Variants in CHD2 observed in about 807,000 individuals in gnomAD.
The protein encoded by CHD2 is ATP-dependent chromatin remodeler CHD2.
Under a neutral mutation model 243.9 loss-of-function variants are expected in CHD2, and 28 were observed. That is an observed-to-expected ratio of 0.11 (90% CI 0.09 to 0.16). The LOEUF (loss-of-function observed/expected upper bound fraction) is 0.16, where lower values mean the gene tolerates loss of function less well. Among genes scored for constraint, CHD2 ranks in the 10% least tolerant of loss-of-function variants. CHD2 has a pLI of 1.00. For synonymous variants in CHD2, 775 were observed against 779.0 expected (o/e 0.99, Z 0.09); for missense variants, 1,386 against 2,209.8 (o/e 0.63, Z 7.47).
chr15:92,912,127 T>C (rs2052747568), intron 2 of CHD2, among the ~76,000 whole-genome samples: 1 of 152,200 alleles, frequency 6.6e-6, no homozygotes, highest in Admixed American at 6.5e-5. Flanking sequence ...TTTTGAAGAT[T>C]TGTGCTTTGC....
intron 5 of CHD2, among the ~76,000 whole-genome samples, chr15:92,929,661 AT>A (rs896030305): frequency 6.6e-6 from 1 of 151,844 alleles, no homozygotes; most frequent in Non-Finnish European, 1.5e-5. Context: ...AAATTATTTG[AT>A]TTTTTTTGAG....
intron 20 of CHD2, among the ~76,000 whole-genome samples, chr15:92,977,796 A>G (rs962141476): frequency 6.6e-6 from 1 of 152,230 alleles, no homozygotes. Flanking sequence ...TAACAAACAT[A>G]AATATTTATA....
intron 13 of CHD2, among the ~76,000 whole-genome samples, chr15:92,951,533 A>G (rs2053554457): frequency 6.6e-6 from 1 of 152,198 alleles, no homozygotes; most frequent in Non-Finnish European, 1.5e-5. Context: ...AGCACCTGTT[A>G]AGCCCTGGTC....
intron 2 of CHD2, among the ~76,000 whole-genome samples, chr15:92,903,434 A>G (rs2052558662): frequency 6.6e-6 from 1 of 152,228 alleles, no homozygotes; most frequent in Admixed American, 6.5e-5. Context: ...AATGAGTGCA[A>G]GTTTAGGTAA....
intron 2 of CHD2, among the ~76,000 whole-genome samples, chr15:92,914,756 G>A (rs1287914142): frequency 1.3e-5 from 2 of 152,038 alleles, no homozygotes; most frequent in East Asian, 3.8e-4. Context: ...AGATCTAATT[G>A]GATTTTATTA....
chr15:92,952,975 C>T (rs2053573683), intron 13 of CHD2, among the ~76,000 whole-genome samples: 1 of 152,226 alleles, frequency 6.6e-6, no homozygotes, highest in African/African-American at 2.4e-5. Flanking sequence ...CAGGATTCAC[C>T]AGCGGTGCTG....
Position 93,012,287 on chromosome 15 carries a change from A to T in CHD2, c.4593-58A>T, listed in dbSNP as rs535262476. ...TAATAGCTTGCCATCCATGAAGATC[A>T]TAAAAAATTGCTTTTCTAATTCTAT... On this transcript the variant is annotated intron_variant, in intron 35 of 38. Transcript: ENST00000394196. 9 of 1,185,350 alleles carry T rather than the reference A, an allele frequency of 7.6e-6. No homozygotes were observed. The East Asian group carries it at 1.2e-4, about 16-fold the overall frequency. 73.4% of individuals were successfully genotyped at this position (1,185,350 alleles called of 1,614,324 possible). A position where few individuals can be genotyped will look rare whatever the true frequency, so the allele number is the denominator to read the frequency against.
intron 17 of CHD2, among the ~76,000 whole-genome samples, chr15:92,970,458 C>G (rs1303708886): frequency 6.6e-6 from 1 of 152,172 alleles, no homozygotes; most frequent in Non-Finnish European, 1.5e-5. Context: ...CCTTCGGCCT[C>G]CCAAAGTGCT....
intron 12 of CHD2, chr15:92,947,236 T>A (rs1245934305): frequency 2.0e-5 from 3 of 152,180 alleles, no homozygotes; most frequent in Non-Finnish European, 4.4e-5. Flanking sequence ...AATGTAGAAG[T>A]CTCTGAGCTC....
At position 92,939,601 on chromosome 15, in the gene CHD2, A is replaced by C. The variant is rs779750851; in HGVS notation, c.575A>C (p.Lys192Thr). Residue 192 changes from lysine to threonine, a missense_variant, in exon 7 of 39, where the codon AAA becomes ACA. Physicochemically the swap from Lys to Thr is moderately conservative, Grantham distance 78 (BLOSUM62 -1). Around this residue, in one of 19 missense-constraint regions of CHD2, gnomAD observed 90 missense variants for 78.0 expected, o/e 1.15. Coordinates refer to ENST00000394196, the MANE Select transcript of CHD2 (RefSeq NM_001271.4). ...AGAACAGTGCCCAAACCTCGTGTTA[A>C]AAAGCAGCCGAAGACTCAGCGTGGA... ...PRRTVPKPRV[K>T]KQPKTQRGKR... is the part of the protein sequence containing the mutation. 1.9e-6 allele frequency: 3 copies of C among 1,614,102 alleles called. No individual in the cohort carries two copies. The highest frequency in any genetic ancestry group is 8.5e-7 in the Non-Finnish European group (1 of 1,180,000).
At chr15:93,002,992 A>C (rs1283466398) in intron 33 of CHD2, among the ~76,000 whole-genome samples, 4 of 152,242 alleles carry the variant, frequency 2.6e-5, no homozygotes, top group African/African-American at 7.2e-5. Flanking sequence ...CAAATATAAA[A>C]ATCAGATTAG....
chr15:92,942,054 T>A, intron 8 of CHD2, 99 bp downstream of exon 8: 6 of 1,149,590 alleles, frequency 5.2e-6, no homozygotes, highest in Non-Finnish European at 7.5e-6. Context: ...AGTCTACTGC[T>A]GTATTTGTTG....
At position 93,024,486 on chromosome 15, in the gene CHD2, G is replaced by A. The variant is rs201950393; in HGVS notation, c.5268G>A (p.Gln1756=). 6.2e-7 allele frequency: 1 copy of A among 1,614,170 alleles called. No homozygotes were observed. Among genetic ancestry groups the A allele is most frequent in the Non-Finnish European group, 8.5e-7 (1 of 1,180,036 alleles). The change falls in exon 39 of 39, where the codon CAG becomes CAA. Residue 1756 remains glutamine (Q), a synonymous_variant. Transcript: ENST00000394196. ...DHRPAMGYHG[Q]GPSDHYRSFH... is the part of the protein sequence containing the mutation. ...GCCCCGCTATGGGCTACCATGGCCAGGGACCCTCAGACCATTACCGCTCTT... is the reference window on the plus strand; with the variant it reads ...GCCCCGCTATGGGCTACCATGGCCAAGGACCCTCAGACCATTACCGCTCTT...
intron 16 of CHD2, among the ~76,000 whole-genome samples, chr15:92,964,204 A>T (rs2053725901): frequency 6.7e-6 from 1 of 150,104 alleles, no homozygotes; most frequent in Non-Finnish European, 1.5e-5. Context: ...AGAGTTAGAG[A>T]TGCAAGTTTT....
intron 34 of CHD2, among the ~76,000 whole-genome samples, chr15:93,008,905 G>A (rs1007022822): frequency 2.6e-5 from 4 of 152,204 alleles, no homozygotes; most frequent in African/African-American, 9.7e-5. Flanking sequence ...AGTATTTAGA[G>A]AGGTTAAGTA....
chr15:93,016,865 ACT>A (rs1042538247), intron 37 of CHD2, among the ~76,000 whole-genome samples: 11 of 152,116 alleles, frequency 7.2e-5, no homozygotes, highest in African/African-American at 1.9e-4. Flanking sequence ...TTAGAAAAAA[ACT>A]CTGTGGAGCT....
Position 92,955,422 on chromosome 15 carries a change from G to T in CHD2, c.1720-1G>T. The T allele has an allele frequency of 6.4e-7, 1 of 1,558,268 alleles. No individual in the cohort carries two copies. On this transcript the variant is annotated splice_acceptor_variant, in intron 14 of 38. Coordinates refer to ENST00000394196, the MANE Select transcript of CHD2 (RefSeq NM_001271.4). LOFTEE classifies it high-confidence loss of function. ...GTCTTAATTATGTTTTTTTCTTATA[G>T]ATACGGGAATATGAATGGATTCATT...
At chr15:92,971,213 G>C (rs985443408) in intron 17 of CHD2, among the ~76,000 whole-genome samples, 1 of 152,156 alleles carries the variant, frequency 6.6e-6, no homozygotes, top group African/African-American at 2.4e-5. Flanking sequence ...AAGTATTTCA[G>C]ATTTTGGGAT....
intron 15 of CHD2, 107 bp from the exon 16 acceptor site, chr15:92,956,352 C>A: frequency 3.8e-6 from 3 of 790,284 alleles, no homozygotes; most frequent in South Asian, 1.6e-5. Context: ...ATAAATGTGT[C>A]AATTTATACC....
Sources: allele counts gnomAD v4.1 joint callset (sites outside exome capture counted in the v4.1 genomes callset), GRCh38; gene constraint gnomAD v4.1.1; regional missense constraint gnomAD v4.1.1; transcripts MANE v1.5; gene names NCBI Gene and HGNC (gene_info 2026-07-23, HGNC 2026-07-21).